The following ALB variants were observed in gnomAD, a reference collection of about 807,000 sequenced individuals.
The protein encoded by ALB is albumin.
A neutral mutation model predicts 74.5 loss-of-function variants in ALB; 37 were observed. That is an observed-to-expected ratio of 0.50 (90% CI 0.38 to 0.65). The LOEUF is 0.65. ALB is among the 30% of genes least tolerant of loss of function. The pLI, the probability that ALB is intolerant of heterozygous loss-of-function variation, is 0.00. For synonymous variants in ALB, 249 were observed against 251.6 expected, an observed-to-expected ratio of 0.99 and a Z score of 0.10; for missense variants, 685 against 718.7, an observed-to-expected ratio of 0.95 and a Z score of 0.54.
At chr4:73,415,572 C>T (rs922783343) in intron 9 of ALB, among the ~76,000 whole-genome samples, 1 of 152,038 alleles carries the variant, frequency 6.6e-6, no homozygotes, top group Non-Finnish European at 1.5e-5. Context: ...AGAATATTTT[C>T]AAATCTTTTT....
intron 10 of ALB, 21 bp downstream of exon 10, chr4:73,416,374 G>T: frequency 6.6e-7 from 1 of 1,506,706 alleles, no homozygotes; most frequent in South Asian, 1.1e-5. Context: ...TTTATTGACT[G>T]ATTTTTTTTA....
chr4:73,404,446 T>C (rs1345388772), intron 1 of ALB, 40 bp downstream of exon 1: 1 of 1,526,310 alleles, frequency 6.6e-7, no homozygotes, highest in East Asian at 2.3e-5. Context: ...TTTTATTCTA[T>C]TTTCCCAGTA....
chr4:73,420,284 GC>G lies in ALB; in HGVS notation c.1818del (p.Leu607Ter). The G allele has an allele frequency of 1.2e-6, 2 of 1,612,850 alleles. No individual in the cohort carries two copies. The highest frequency in any genetic ancestry group is 1.7e-6 in the Non-Finnish European group (2 of 1,179,202). ...GKKLVAASQAALGL is the reference protein window; with the variant it reads ...GKKLVAASQAXLGL ...AAAACTTGTTGCTGCAAGTCAAGCTGCCTTAGGCTTATAACATCACATTTAA... is the reference window on the plus strand; with the variant it reads ...AAAACTTGTTGCTGCAAGTCAAGCTGCTTAGGCTTATAACATCACATTTAA... On this transcript the variant is annotated frameshift_variant, in exon 14 of 15. Coordinates refer to ENST00000295897, the MANE Select transcript of ALB (RefSeq NM_000477.7). LOFTEE classifies it high-confidence loss of function.
intron 10 of ALB, 70 bp from the exon 11 acceptor site, chr4:73,417,461 G>T: frequency 6.4e-7 from 1 of 1,566,942 alleles, no homozygotes; most frequent in Admixed American, 1.7e-5. Context: ...CCGGCCAAGT[G>T]TTCTCTGTTT....
At chr4:73,413,203 GC>G in intron 7 of ALB, 1 of 564,278 alleles carries the variant, frequency 1.8e-6, no homozygotes, top group African/African-American at 1.9e-5. Context: ...ACTGAGCTGA[GC>G]ACCTGCTACT....
At chr4:73,405,477 G>A (rs1314627941) in intron 2 of ALB, among the ~76,000 whole-genome samples, 3 of 152,182 alleles carry the variant, frequency 2.0e-5, no homozygotes, top group African/African-American at 7.2e-5. Context: ...GTATTGGACA[G>A]TACAGCTCTG....
chr4:73,420,982 G>C, intron 14 of ALB, 110 bp from the exon 15 acceptor site: 1 of 604,416 alleles, frequency 1.7e-6, no homozygotes, highest in Non-Finnish European at 2.9e-6. Context: ...TGTTTTCACT[G>C]GTGTAAATTG....
At position 73,408,653 on chromosome 4, in the gene ALB, A is replaced by C; in HGVS notation, c.330A>C (p.Glu110Asp). The C allele has an allele frequency of 6.2e-7, 1 of 1,614,080 alleles. No homozygotes were observed. The highest frequency in any genetic ancestry group is 8.5e-7 in the Non-Finnish European group (1 of 1,179,944). ...TVATLRETYGEMADCCAKQEP... is the reference protein window; with the variant it reads ...TVATLRETYGDMADCCAKQEP... The stretch of plus-strand genomic sequence containing the variant: ...CAACTCTTCGTGAAACCTATGGTGA[A>C]ATGGCTGACTGCTGTGCAAAACAAG... The change falls in exon 4 of 15, where the codon GAA becomes GAC. Residue 110 changes from glutamate to aspartate, a missense_variant. By Grantham distance (45) the Glu-to-Asp change is conservative. Coordinates refer to ENST00000295897, the MANE Select transcript of ALB (RefSeq NM_000477.7).
intron 10 of ALB, 59 bp downstream of exon 10, chr4:73,416,412 A>G: frequency 8.2e-7 from 1 of 1,222,000 alleles, no homozygotes; most frequent in Non-Finnish European, 1.2e-6. Flanking sequence ...AAGACTTAAT[A>G]TATGAGCCAC....
intron 5 of ALB, among the ~76,000 whole-genome samples, chr4:73,410,089 T>C (rs933174906): frequency 6.6e-6 from 1 of 152,134 alleles, no homozygotes; most frequent in African/African-American, 2.4e-5. Context: ...ATGTTTCCAG[T>C]TGGTTTCTAA....
intron 1 of ALB, 135 bp downstream of exon 1, chr4:73,404,541 A>T: frequency 1.3e-6 from 1 of 751,200 alleles, no homozygotes; most frequent in Non-Finnish European, 2.3e-6. Flanking sequence ...GTATTTGTGA[A>T]GTCTTACAAG....
rs556341116 is a variant in ALB, at chr4:73,419,731, C to T, written c.1785+92C>T. Reference sequence around the variant, plus strand: ...TTAGGGATTTATATATCAAAGGAGGCTTTGTACATGTGGGACAGGGATCTT... The same window carrying T: ...TTAGGGATTTATATATCAAAGGAGGTTTTGTACATGTGGGACAGGGATCTT... On this transcript the variant is annotated intron_variant, in intron 13 of 14. Coordinates refer to ENST00000295897, the MANE Select transcript of ALB (RefSeq NM_000477.7). 2.3e-5 allele frequency: 33 copies of T among 1,455,698 alleles called. No individual in the cohort carries two copies. In the African/African-American group the frequency reaches 3.6e-4, roughly 16 times the overall value. The allele number at this position is 1,455,698 out of a possible 1,614,324, so 90.2% of individuals were successfully genotyped here.
In ALB at chr4:73,406,676, A is replaced by G. The variant is rs1271161462; in HGVS notation, c.185A>G (p.Asp62Gly). The G allele has an allele frequency of 6.2e-7, 1 of 1,613,932 alleles. No individual in the cohort carries two copies. The highest frequency in any genetic ancestry group is 8.5e-7 in the Non-Finnish European group (1 of 1,179,952). ...AQYLQQCPFE[D>G]HVKLVNEVTE... ...TATCTTCAGCAGTGTCCATTTGAAG[A>G]TCATGTAAAATTAGTGAATGAAGTA... Residue 62 changes from aspartate (D) to glycine (G), a missense_variant, in exon 3 of 15, where the codon GAT becomes GGT. Coordinates refer to ENST00000295897, the MANE Select transcript of ALB (RefSeq NM_000477.7).
intron 9 of ALB, 60 bp downstream of exon 9, chr4:73,415,227 G>A (rs922877976): frequency 7.6e-6 from 12 of 1,575,918 alleles, no homozygotes; most frequent in Admixed American, 6.7e-5. Flanking sequence ...TAATGAGAAA[G>A]AAAAATAATG....
intron 3 of ALB, among the ~76,000 whole-genome samples, chr4:73,407,719 A>G (rs981623165): frequency 2.2e-4 from 34 of 152,220 alleles, no homozygotes; most frequent in Non-Finnish European, 3.7e-4. Context: ...ATTTCTACAT[A>G]CAATAAAAAA....
rs746325793 is a variant in ALB, at chr4:73,408,661, A to G, written c.338A>G (p.Asp113Gly). 2 of 1,614,082 alleles carry G rather than the reference A, an allele frequency of 1.2e-6. No homozygotes were observed. Among genetic ancestry groups the G allele is most frequent in the Admixed American group, 3.3e-5 (2 of 60,022 alleles). ...CGTGAAACCTATGGTGAAATGGCTG[A>G]CTGCTGTGCAAAACAAGAACCTGAG... ...TLRETYGEMA[D>G]CCAKQEPERN... The change falls in exon 4 of 15, where the codon GAC (aspartate) becomes GGC (glycine). Residue 113 changes from aspartate to glycine, a missense_variant. Transcript: ENST00000295897.
In ALB at chr4:73,417,676, CT is replaced by C; in HGVS notation, c.1428+10del. 1 of 1,577,064 alleles carries C rather than the reference CT, an allele frequency of 6.3e-7. No individual in the cohort carries two copies. The highest frequency in any genetic ancestry group is 8.6e-7 in the Non-Finnish European group (1 of 1,164,992). On this transcript the variant is annotated splice_region_variant and intron_variant, in intron 11 of 14. Transcript: ENST00000295897. ...GCCCTGTGCAGAAGACTATGTGAGT[CT>C]TTAAAAAAATATAATAAATTAATAA...
chr4:73,407,078 A>C (rs1303175398), intron 3 of ALB, among the ~76,000 whole-genome samples: 1 of 152,108 alleles, frequency 6.6e-6, no homozygotes, highest in Non-Finnish European at 1.5e-5. Context: ...GCTAATAGGG[A>C]TATGATAGCA....
chr4:73,414,982 A>AT (rs1284184957), intron 8 of ALB, 53 bp from the exon 9 acceptor site: 50 of 1,599,542 alleles, frequency 3.1e-5, no homozygotes, highest in Non-Finnish European at 3.9e-5. Flanking sequence ...GCTTTGTGAT[A>AT]TTTTTTGTGC....
Sources: gnomAD v4.1 joint callset for allele counts (sites outside exome capture counted in the v4.1 genomes callset) on GRCh38, gnomAD v4.1.1 for gene constraint, MANE v1.5 for transcripts, NCBI Gene and HGNC (gene_info 2026-07-23, HGNC 2026-07-21) for gene names.